CLHC1: variants seen among roughly 807,000 people sequenced by gnomAD.
The protein encoded by CLHC1 is clathrin heavy chain linker domain containing 1, also known as clathrin heavy chain linker domain-containing protein 1.
CLHC1 carries 72 observed loss-of-function variants against 69.5 expected under a neutral mutation model. The observed-to-expected ratio is 1.04, with a 90% CI of 0.86 to 1.26. The LOEUF (loss-of-function observed/expected upper bound fraction) is 1.26, where lower values mean the gene tolerates loss of function less well. Ranked by LOEUF, CLHC1 falls within the 50% of genes most tolerant of loss-of-function variation. The pLI, the probability that CLHC1 is intolerant of heterozygous loss-of-function variation, is 0.00. For synonymous variants in CLHC1, 223 were observed against 224.3 expected (o/e 0.99, Z 0.05); for missense variants, 790 against 679.3 (o/e 1.16, Z -1.81).
intron 5 of CLHC1, among the ~76,000 whole-genome samples, chr2:55,210,552 T>A (rs1463997584): frequency 6.6e-6 from 1 of 152,098 alleles, no homozygotes; most frequent in Non-Finnish European, 1.5e-5. Flanking sequence ...TGAGAACACA[T>A]AAACCTTAGC....
At chr2:55,206,464 T>C in intron 8 of CLHC1, 88 bp from the exon 9 acceptor site, 4 of 734,428 alleles carry the variant, frequency 5.4e-6, no homozygotes, top group Non-Finnish European at 2.4e-6. Context: ...AGACTAAATA[T>C]AGCGGCATAA....
Position 55,181,428 on chromosome 2 carries a change from C to A in CLHC1, c.1181+142G>T, listed in dbSNP as rs891972744. 17 of 666,582 alleles carry A rather than the reference C, an allele frequency of 2.6e-5. No homozygotes were observed. The South Asian group carries it at 3.7e-4, about 14-fold the overall frequency. The allele number at this position is 666,582 out of a possible 1,614,324, so 41.3% of individuals were successfully genotyped here. On this transcript the variant is annotated intron_variant, in intron 10 of 12. Transcript: ENST00000401408. ...AGAGGCATGAGCCACCACACCCGAC[C>A]ACTAAACACTTTCTGATTAATTGCA...
At chr2:55,203,228 A>G (rs1428373115) in intron 9 of CLHC1, among the ~76,000 whole-genome samples, 3 of 152,216 alleles carry the variant, frequency 2.0e-5, no homozygotes, top group Non-Finnish European at 4.4e-5. Context: ...TAAAATGTCT[A>G]TACTACCCAA....
rs1167610016 is a variant in CLHC1, at chr2:55,172,729, G to A, written c.*3061C>T. Among the ~76,000 whole-genome samples the A allele has an allele frequency of 6.8e-6, 1 of 147,702 alleles. No homozygotes were observed. Among genetic ancestry groups the A allele is most frequent in the Admixed American group, 6.7e-5 (1 of 14,830 alleles). On this transcript the variant is annotated 3_prime_UTR_variant, in exon 13 of 13. Transcript: ENST00000401408. ...AAAAAAAAAAAAAGGCCTCTGCTAT[G>A]ATTTTTGACTTAACATATGCTTTAG...
rs1558515911 is a variant in CLHC1 at position 55,222,186 on chromosome 2, T to C, written c.177+49A>G. 4.6e-6 allele frequency: 6 copies of C among 1,303,788 alleles called. No individual in the cohort carries two copies. The East Asian group carries it at 1.2e-4, about 25-fold the overall frequency. The allele number at this position is 1,303,788 out of a possible 1,614,324, so 80.8% of individuals were successfully genotyped here. A position where few individuals can be genotyped will look rare whatever the true frequency, so the allele number is the denominator to read the frequency against. On this transcript the variant is annotated intron_variant, in intron 3 of 12. Coordinates refer to ENST00000401408, the MANE Select transcript of CLHC1 (RefSeq NM_152385.4). Reference sequence around the variant, plus strand: ...CAGGAATATTGGTTGTCAACATAGATCATTGCTATCCTCATGAAAACTTAA... The same window carrying C: ...CAGGAATATTGGTTGTCAACATAGACCATTGCTATCCTCATGAAAACTTAA...
At chr2:55,228,495 T>TA (rs1674932273) in intron 1 of CLHC1, among the ~76,000 whole-genome samples, 1 of 152,206 alleles carries the variant, frequency 6.6e-6, no homozygotes, top group Admixed American at 6.6e-5. Flanking sequence ...TCATTCATAT[T>TA]AGACATTTAG....
chr2:55,224,500 G>T, intron 2 of CLHC1: 1 of 358,112 alleles, frequency 2.8e-6, no homozygotes, highest in Non-Finnish European at 5.7e-6. Context: ...TGTGTGGCCA[G>T]TGTACTCGGA....
At chr2:55,186,551 T>A (rs1002998511) in intron 9 of CLHC1, among the ~76,000 whole-genome samples, 1 of 152,030 alleles carries the variant, frequency 6.6e-6, no homozygotes, top group African/African-American at 2.4e-5. Context: ...CCCAAAAGTT[T>A]GAGACCTGCC....
chr2:55,175,551 A>G lies in CLHC1; in HGVS notation c.*239T>C. ...AAAATGCCCTACACTGTTTCACACA[A>G]AGTTATAATCTTGGATTTTATCAAG... On this transcript the variant is annotated 3_prime_UTR_variant, in exon 13 of 13. Coordinates refer to ENST00000401408, the MANE Select transcript of CLHC1 (RefSeq NM_152385.4). The G allele has an allele frequency of 2.1e-6, 1 of 478,516 alleles. No individual in the cohort carries two copies. The highest frequency in any genetic ancestry group is 3.7e-6 in the Non-Finnish European group (1 of 268,732). The allele number at this position is 478,516 out of a possible 1,614,324, so 29.6% of individuals were successfully genotyped here. A position where few individuals can be genotyped will look rare whatever the true frequency, so the allele number is the denominator to read the frequency against.
chr2:55,215,456 T>C (rs564629147), intron 4 of CLHC1, among the ~76,000 whole-genome samples: 13 of 152,302 alleles, frequency 8.5e-5, no homozygotes, highest in South Asian at 2.1e-4. Flanking sequence ...TCCTTGTATA[T>C]ATAGTTCAAG....
At position 55,175,934 on chromosome 2, in the gene CLHC1, C is replaced by A; in HGVS notation, c.1617G>T (p.Trp539Cys). 10 of 1,613,892 alleles carry A rather than the reference C, an allele frequency of 6.2e-6. No homozygotes were observed. Among genetic ancestry groups the A allele is most frequent in the Non-Finnish European group, 8.5e-6 (10 of 1,179,790 alleles). ...INDSFCSIEK[W>C]QEVANICSQN... is the part of the protein sequence containing the mutation. ...GTGAACATATATTTGCCACTTCTTG[C>A]CACTTTTCTATGGAGCAAAAGGAAT... The change falls in exon 13 of 13, where the codon TGG becomes TGT. Residue 539 changes from tryptophan to cysteine, a missense_variant. Trp to Cys is a radical substitution (Grantham distance 215). Transcript: ENST00000401408.
rs1016285941 is a variant in CLHC1, at chr2:55,230,588, T to C, written c.-256+1635A>G. On this transcript the variant is annotated intron_variant, in intron 1 of 12. Coordinates refer to ENST00000401408, the MANE Select transcript of CLHC1 (RefSeq NM_152385.4). ...GCAGACAAAGCAGAGGTCCAAGGACTGGGCCTTGGGGATACTCCATGGTTA... is the reference window on the plus strand; with the variant it reads ...GCAGACAAAGCAGAGGTCCAAGGACCGGGCCTTGGGGATACTCCATGGTTA... Among the ~76,000 whole-genome samples, 14 of 152,084 alleles carry C rather than the reference T, an allele frequency of 9.2e-5. 1 individual carries two copies. Among genetic ancestry groups the C allele is most frequent in the Admixed American group, 9.2e-4 (14 of 15,272 alleles).
chr2:55,219,182 A>G (rs1673871977), intron 3 of CLHC1, among the ~76,000 whole-genome samples: 1 of 152,044 alleles, frequency 6.6e-6, no homozygotes, highest in South Asian at 2.1e-4. Context: ...TACTTCATGA[A>G]CTCCTCTGAT....
At chr2:55,207,104 G>A (rs1027125005) in intron 8 of CLHC1, among the ~76,000 whole-genome samples, 6 of 151,324 alleles carry the variant, frequency 4.0e-5, no homozygotes, top group Non-Finnish European at 8.8e-5. Flanking sequence ...GACAGAGTGA[G>A]ACTCCGTCTG....
At position 55,203,748 on chromosome 2, in the gene CLHC1, G is replaced by A. The variant is rs758633236; in HGVS notation, c.1006+2522C>T. ...GGAAATTCTCCAGGACATTGGTCTC[G>A]GCAAAAATTTCTTGCATAATACCCC... On this transcript the variant is annotated intron_variant, in intron 9 of 12. Transcript: ENST00000401408. Among the ~76,000 whole-genome samples the A allele has an allele frequency of 6.7e-4, 102 of 152,130 alleles. 4 individuals are homozygous for A. Among genetic ancestry groups the A allele is most frequent in the Non-Finnish European group, 6.3e-4 (43 of 68,002 alleles).
At chr2:55,224,816 C>G in intron 2 of CLHC1, 1 of 304,604 alleles carries the variant, frequency 3.3e-6, no homozygotes, top group Non-Finnish European at 6.8e-6. Context: ...TCAAAGAGGC[C>G]CCCCAGCCAG....
At position 55,209,691 on chromosome 2, in the gene CLHC1, T is replaced by A; in HGVS notation, c.640A>T (p.Met214Leu). 6.2e-7 allele frequency: 1 copy of A among 1,614,114 alleles called. No individual in the cohort carries two copies. The highest frequency in any genetic ancestry group is 8.5e-7 in the Non-Finnish European group (1 of 1,180,002). The change falls in exon 6 of 13, where the codon ATG (methionine) becomes TTG (leucine). Residue 214 changes from methionine to leucine, a missense_variant. Met to Leu is a conservative substitution (Grantham distance 15). Transcript: ENST00000401408. ...AQRKADLDEEMIVLLKRRDVA... is the reference protein window; with the variant it reads ...AQRKADLDEELIVLLKRRDVA... ...TCTCGCCGTTTTAATAACACAATCATTTCTTCATCTAAATCAGCCTTCCTC... is the reference window on the plus strand; with the variant it reads ...TCTCGCCGTTTTAATAACACAATCAATTCTTCATCTAAATCAGCCTTCCTC...
intron 9 of CLHC1, among the ~76,000 whole-genome samples, chr2:55,184,689 A>G (rs1670253852): frequency 6.6e-6 from 1 of 152,022 alleles, no homozygotes. Context: ...GGTGGATCAC[A>G]GGGTCAGGAG....
intron 5 of CLHC1, among the ~76,000 whole-genome samples, chr2:55,210,853 T>C (rs1374546829): frequency 2.0e-5 from 3 of 152,090 alleles, no homozygotes; most frequent in African/African-American, 7.2e-5. Flanking sequence ...TTAAAAAATA[T>C]GTAGATATAT....
Sources: gnomAD v4.1 joint callset for allele counts (sites outside exome capture counted in the v4.1 genomes callset) on GRCh38, gnomAD v4.1.1 for gene constraint, MANE v1.5 for transcripts, NCBI Gene and HGNC (gene_info 2026-07-23, HGNC 2026-07-21) for gene names.